Variants in COL20A1 observed in about 807,000 individuals in gnomAD.
COL20A1 encodes collagen type XX alpha 1 chain.
A neutral mutation model predicts 152.9 loss-of-function variants in COL20A1; 164 were observed. The ratio of observed to expected loss-of-function variants is 1.07; its 90% confidence interval spans 0.94 to 1.22. COL20A1 has a LOEUF of 1.22. COL20A1 is among the 50% of genes most tolerant of loss of function. The pLI, the probability that COL20A1 is intolerant of heterozygous loss-of-function variation, is 0.00. For missense variants in COL20A1, 1,873 were observed against 1,744.8 expected (o/e 1.07, Z -1.31); for synonymous variants, 864 against 756.0 (o/e 1.14, Z -2.34).
intron 6 of COL20A1, among the ~76,000 whole-genome samples, 158 bp from the exon 7 acceptor site, chr20:63,307,813 A>C (rs975970884): frequency 1.4e-4 from 22 of 152,104 alleles, no homozygotes; most frequent in African/African-American, 5.3e-4. Context: ...CTCCGTGTGG[A>C]GGCCCTGGCT....
Position 63,311,985 on chromosome 20 carries a change from AG to A in COL20A1, c.1736del (p.Gly579ValfsTer60). The A allele has an allele frequency of 6.2e-7, 1 of 1,602,628 alleles. No individual in the cohort carries two copies. The highest frequency in any genetic ancestry group is 8.5e-7 in the Non-Finnish European group (1 of 1,176,612). On this transcript the variant is annotated frameshift_variant, in exon 14 of 36. Coordinates refer to ENST00000358894, the MANE Select transcript of COL20A1 (RefSeq NM_020882.4). LOFTEE classifies it high-confidence loss of function. This position sits in a 1 kb window ranked among gnomAD's most constrained non-coding sequence, Gnocchi z 4.4. ...VSHDAARVFW[E>X]GAPRPVRLVR... ...CACGACGCGGCACGAGTGTTCTGGG[AG>A]GGTGCCCCGAGGCCTGTGCGCCTGG...
intron 3 of COL20A1, among the ~76,000 whole-genome samples, chr20:63,302,089 C>A (rs567784198): frequency 6.6e-6 from 1 of 152,126 alleles, no homozygotes; most frequent in Non-Finnish European, 1.5e-5. Flanking sequence ...CAATTATCAG[C>A]GTGCGGCCAA....
At chr20:63,327,839 A>G in intron 31 of COL20A1, 113 bp from the exon 32 acceptor site, 1 of 1,097,454 alleles carries the variant, frequency 9.1e-7, no homozygotes, top group South Asian at 1.4e-5. Context: ...TCACACCGCC[A>G]CTGTGGCTAT....
At chr20:63,309,647 A>G in intron 9 of COL20A1, 111 bp from the exon 10 acceptor site, 1 of 1,274,564 alleles carries the variant, frequency 7.8e-7, no homozygotes, top group South Asian at 1.5e-5. Flanking sequence ...CTGTCCACAG[A>G]AGGGCTGGGG....
chr20:63,327,961 G>A lies in COL20A1; in HGVS notation c.3538G>A (p.Gly1180Arg), dbSNP rs766396607. The change falls in exon 32 of 36, where the codon GGG (glycine) becomes AGG (arginine). Residue 1180 changes from glycine (G) to arginine (R), a missense_variant. Transcript: ENST00000358894. ...TTCCCCTCCTCATCAGGGACTGCCAGGGCCCAAAGGGGAACGAGGAGAGAA... is the reference window on the plus strand; with the variant it reads ...TTCCCCTCCTCATCAGGGACTGCCAAGGCCCAAAGGGGAACGAGGAGAGAA... ...PGTVGPTGLP[G>R]PKGERGEKGE... The A allele has an allele frequency of 1.2e-5, 20 of 1,603,110 alleles. No individual in the cohort carries two copies. Among genetic ancestry groups the A allele is most frequent in the South Asian group, 2.2e-5 (2 of 89,096 alleles).
chr20:63,305,545 C>A lies in COL20A1; in HGVS notation c.322C>A (p.Arg108=). ...TGGCTCTGGGCGCTTCCTGCTAGCT[C>A]GGAGGGAGTTTGTGAGTAAGTCCAC... is the stretch of plus-strand genomic sequence containing the variant. ...LTGSGRFLLA[R]REFVIEDLKS... Residue 108 remains arginine (R), a synonymous_variant, in exon 4 of 36, where the codon CGG becomes AGG. Transcript: ENST00000358894. This position sits in a 1 kb window ranked among gnomAD's most constrained non-coding sequence, Gnocchi z 4.9. 1 of 1,600,248 alleles carries A rather than the reference C, an allele frequency of 6.2e-7. No individual in the cohort carries two copies. Among genetic ancestry groups the A allele is most frequent in the South Asian group, 1.1e-5 (1 of 88,978 alleles).
chr20:63,316,730 G>A, intron 21 of COL20A1, 39 bp downstream of exon 21: 1 of 1,477,486 alleles, frequency 6.8e-7, no homozygotes, highest in Non-Finnish European at 9.0e-7. Flanking sequence ...GGAAGCCCAG[G>A]CTGGGGCCGC....
rs2067980760 is a variant in COL20A1 at position 63,309,825 on chromosome 20, C to T, written c.1173C>T (p.Ser391=). Residue 391 remains serine (S), a synonymous_variant, in exon 10 of 36, where the codon TCC becomes TCT. Coordinates refer to ENST00000358894, the MANE Select transcript of COL20A1 (RefSeq NM_020882.4). The part of the protein sequence containing the change: ...TSLVLSQVTS[S]SIRLSWTPAP... ...TGGTCCTGAGCCAGGTGACCTCCTC[C>T]AGCATCCGCCTGTCCTGGACTCCAG... The T allele has an allele frequency of 1.2e-6, 2 of 1,610,488 alleles. No individual in the cohort carries two copies. Among genetic ancestry groups the T allele is most frequent in the Non-Finnish European group, 1.7e-6 (2 of 1,178,844 alleles).
chr20:63,307,235 G>A (rs1449528986), intron 5 of COL20A1, among the ~76,000 whole-genome samples: 5 of 152,240 alleles, frequency 3.3e-5, no homozygotes, highest in South Asian at 2.1e-4. Flanking sequence ...ATGTCTGGGC[G>A]GGCAGCTGCA....
At chr20:63,295,269 G>A (rs1036746547) in intron 2 of COL20A1, 80 bp downstream of exon 2, 84 of 858,572 alleles carry the variant, frequency 9.8e-5, no homozygotes, top group South Asian at 1.6e-4. Context: ...CGAGCCCTCC[G>A]CCCCTGAGCC....
In COL20A1 at chr20:63,305,189, T is replaced by C. The variant is rs772843241; in HGVS notation, c.194-228T>C. Among the ~76,000 whole-genome samples, 1 of 151,094 alleles carries C rather than the reference T, an allele frequency of 6.6e-6. No homozygotes were observed. Among genetic ancestry groups the C allele is most frequent in the Non-Finnish European group, 1.5e-5 (1 of 67,766 alleles). ...CATGCGGCGGATTCCTCTAGGGGGG[T>C]TTAGTAAGTGACATCTTCTTTTCAC... On this transcript the variant is annotated intron_variant, in intron 3 of 35. Transcript: ENST00000358894. The surrounding 1 kb of genome is among the most constrained non-coding windows in gnomAD (Gnocchi z 4.9).
Position 63,313,137 on chromosome 20 carries a change from C to T in COL20A1, c.2097C>T (p.Leu699=), listed in dbSNP as rs375193228. 39 of 1,610,346 alleles carry T rather than the reference C, an allele frequency of 2.4e-5. No homozygotes were observed. The East Asian group carries it at 2.9e-4, about 12-fold the overall frequency. The part of the protein sequence containing the change: ...KAHEISVPGN[L]GTAVLPGLGR... ...CCTAGATCTCTGTCCCAGGGAACCTCGGCACGGCCGTCCTGCCTGGCCTAG... is the reference window on the plus strand; with the variant it reads ...CCTAGATCTCTGTCCCAGGGAACCTTGGCACGGCCGTCCTGCCTGGCCTAG... The change falls in exon 17 of 36, where the codon CTC becomes CTT. Residue 699 remains leucine, a synonymous_variant. Coordinates refer to ENST00000358894, the MANE Select transcript of COL20A1 (RefSeq NM_020882.4). This position sits in a 1 kb window ranked among gnomAD's most constrained non-coding sequence, Gnocchi z 5.9.
intron 25 of COL20A1, 137 bp from the exon 26 acceptor site, chr20:63,320,876 G>C (rs1176656766): frequency 1.5e-6 from 1 of 660,116 alleles, no homozygotes; most frequent in Non-Finnish European, 2.6e-6. Context: ...TTGGGCCCCT[G>C]ACCTTCGCCC....
chr20:63,328,028 G>A (rs1438226113), intron 32 of COL20A1, 41 bp downstream of exon 32: 2 of 1,612,436 alleles, frequency 1.2e-6, no homozygotes, highest in African/African-American at 2.7e-5. Context: ...GGGATCTCCT[G>A]GGAAGGCACC....
rs780081589 is a variant in COL20A1, at chr20:63,313,965, G to A, written c.2358+74G>A. On this transcript the variant is annotated intron_variant, in intron 18 of 35. Coordinates refer to ENST00000358894, the MANE Select transcript of COL20A1 (RefSeq NM_020882.4). This position sits in a 1 kb window ranked among gnomAD's most constrained non-coding sequence, Gnocchi z 5.9. ...GAAGGGGTATGGCCACACTGTCTGC[G>A]AAGGGTGGCAGCTCTGCCATGGCGG... The A allele has an allele frequency of 3.1e-5, 49 of 1,592,504 alleles. No homozygotes were observed. Among genetic ancestry groups the A allele is most frequent in the African/African-American group, 4.0e-5 (3 of 74,694 alleles).
chr20:63,294,116 C>T (rs200954574), intron 1 of COL20A1, among the ~76,000 whole-genome samples: 4 of 828 alleles, frequency 4.8e-3, no homozygotes, highest in East Asian at 0.019. Context: ...TCTCGGGGAG[C>T]GGGAGTGCAG....
intron 27 of COL20A1, chr20:63,325,005 G>T: frequency 3.3e-6 from 1 of 303,296 alleles, no homozygotes; most frequent in South Asian, 2.5e-5. Context: ...GAGGGCTGGG[G>T]GTGAGGTTGG....
chr20:63,313,137 C>G lies in COL20A1; in HGVS notation c.2097C>G (p.Leu699=). Residue 699 remains leucine (L), a synonymous_variant, in exon 17 of 36, where the codon CTC becomes CTG. Coordinates refer to ENST00000358894, the MANE Select transcript of COL20A1 (RefSeq NM_020882.4). This position sits in a 1 kb window ranked among gnomAD's most constrained non-coding sequence, Gnocchi z 5.9. ...CCTAGATCTCTGTCCCAGGGAACCTCGGCACGGCCGTCCTGCCTGGCCTAG... is the reference window on the plus strand; with the variant it reads ...CCTAGATCTCTGTCCCAGGGAACCTGGGCACGGCCGTCCTGCCTGGCCTAG... ...KAHEISVPGN[L]GTAVLPGLGR... is the part of the protein sequence containing the mutation. 1 of 1,610,346 alleles carries G rather than the reference C, an allele frequency of 6.2e-7. No individual in the cohort carries two copies. Among genetic ancestry groups the G allele is most frequent in the Admixed American group, 1.7e-5 (1 of 59,730 alleles).
intron 34 of COL20A1, 98 bp from the exon 35 acceptor site, chr20:63,329,487 G>A (rs1242323536): frequency 1.1e-6 from 1 of 902,898 alleles, no homozygotes; most frequent in East Asian, 2.6e-5. Context: ...CCTGCTGCCT[G>A]TGCCCAGGGA....
Sources: gnomAD v4.1 joint callset for allele counts (sites outside exome capture counted in the v4.1 genomes callset) on GRCh38, gnomAD v4.1.1 for gene constraint, Gnocchi (gnomAD v3.1) non-coding constraint, MANE v1.5 for transcripts, NCBI Gene and HGNC (gene_info 2026-07-23, HGNC 2026-07-21) for gene names.